The following FGD5 variants were observed in gnomAD, a reference collection of about 807,000 sequenced individuals.
The protein encoded by FGD5 is FYVE, RhoGEF and PH domain containing 5.
FGD5 carries 28 observed loss-of-function variants against 133.4 expected under a neutral mutation model. That is an observed-to-expected ratio of 0.21 (90% CI 0.16 to 0.29). FGD5 has a LOEUF of 0.29. Among genes scored for constraint, FGD5 ranks in the 10% least tolerant of loss-of-function variants. The pLI, the probability that FGD5 is intolerant of heterozygous loss-of-function variation, is 1.00. For missense variants in FGD5, 1,858 were observed against 1,895.2 expected, an observed-to-expected ratio of 0.98 and a Z score of 0.36; for synonymous variants, 810 against 776.5, an observed-to-expected ratio of 1.04 and a Z score of -0.72.
intron 1 of FGD5, among the ~76,000 whole-genome samples, chr3:14,830,986 A>C (rs777404571): frequency 1.3e-5 from 2 of 152,184 alleles, no homozygotes; most frequent in Non-Finnish European, 2.9e-5. Context: ...ATGTGATACA[A>C]AGTGACTGGT....
chr3:14,870,873 G>A (rs1298748267), intron 2 of FGD5, among the ~76,000 whole-genome samples: 2 of 152,222 alleles, frequency 1.3e-5, no homozygotes, highest in Non-Finnish European at 2.9e-5. Context: ...AGCACCAGAT[G>A]TGGAAGATCT....
At chr3:14,918,686 C>A in intron 12 of FGD5, 68 bp from the exon 13 acceptor site, 3 of 1,503,308 alleles carry the variant, frequency 2.0e-6, no homozygotes, top group Non-Finnish European at 1.8e-6. Flanking sequence ...CATCTGCTGC[C>A]AGGAGAAGCC....
Position 14,820,691 on chromosome 3 carries a change from G to A in FGD5, c.1620G>A (p.Lys540=). The A allele has an allele frequency of 6.3e-7, 1 of 1,592,696 alleles. No homozygotes were observed. Among genetic ancestry groups the A allele is most frequent in the Non-Finnish European group, 8.5e-7 (1 of 1,171,552 alleles). Residue 540 remains lysine (K), a synonymous_variant, in exon 1 of 20, where the codon AAG becomes AAA. Coordinates refer to ENST00000285046, the MANE Select transcript of FGD5 (RefSeq NM_152536.4). ...PLEASRALPA[K]PRAFTLYPRS... ...AAGCCAGCAGGGCCTTGCCAGCAAAGCCCAGGGCCTTTACTTTATACCCTC... is the reference window on the plus strand; with the variant it reads ...AAGCCAGCAGGGCCTTGCCAGCAAAACCCAGGGCCTTTACTTTATACCCTC...
chr3:14,844,217 A>AAAAAATAT (rs1559477363), intron 1 of FGD5, among the ~76,000 whole-genome samples: 4 of 20,382 alleles, frequency 2.0e-4, no homozygotes, highest in Non-Finnish European at 2.5e-4. Context: ...AAAAAAAAAA[A>AAAAAATAT]ATATATATAT....
rs567067944 is a variant in FGD5, at chr3:14,819,071, C to T, written c.-1C>T. On this transcript the variant is annotated 5_prime_UTR_variant, in exon 1 of 20. Transcript: ENST00000285046. The surrounding 1 kb of genome is among the most constrained non-coding windows in gnomAD (Gnocchi z 4.1). The stretch of plus-strand genomic sequence containing the variant: ...CCGAGAGTCTTCACAGTCCAAACTC[C>T]ATGTTCAGGGGTCCGAAGCCCCCCA... The T allele has an allele frequency of 7.1e-6, 11 of 1,546,432 alleles. No homozygotes were observed. The highest frequency in any genetic ancestry group is 1.4e-5 in the African/African-American group (1 of 72,872).
At chr3:14,893,393 C>G (rs1175441579) in intron 4 of FGD5, among the ~76,000 whole-genome samples, 1 of 152,148 alleles carries the variant, frequency 6.6e-6, no homozygotes, top group African/African-American at 2.4e-5. Flanking sequence ...ACTCTGTCAA[C>G]CAGGTTGGAG....
At chr3:14,874,890 C>T (rs1187214178) in intron 2 of FGD5, among the ~76,000 whole-genome samples, 1 of 152,204 alleles carries the variant, frequency 6.6e-6, no homozygotes, top group Non-Finnish European at 1.5e-5. Flanking sequence ...ACCAGCTGGT[C>T]CTGGGGAAGC....
upstream of FGD5, among the ~76,000 whole-genome samples, chr3:14,817,621 C>A (rs7643829): frequency 0.047 from 7,085 of 152,254 alleles, 550 homozygotes; most frequent in African/African-American, 0.16. Context: ...TCAGGGACAA[C>A]ACTGGGCCTA....
chr3:14,898,742 A>G lies in FGD5; in HGVS notation c.3070A>G (p.Ser1024Gly), dbSNP rs764168603. The part of the protein sequence containing the change: ...LAAAVREFEQ[S>G]VQGGSQTAKH... Reference sequence around the variant, plus strand: ...TCCTTCCCTGTCTTGAGAGCAGCAGAGTGTACAAGGAGGCAGCCAGACTGC... The same window carrying G: ...TCCTTCCCTGTCTTGAGAGCAGCAGGGTGTACAAGGAGGCAGCCAGACTGC... The change falls in exon 7 of 20, where the codon AGT (serine) becomes GGT (glycine). Residue 1024 changes from serine (S) to glycine (G), a missense_variant. Ser to Gly is a moderately conservative substitution (Grantham distance 56). Coordinates refer to ENST00000285046, the MANE Select transcript of FGD5 (RefSeq NM_152536.4). 2.5e-5 allele frequency: 40 copies of G among 1,581,020 alleles called. No homozygotes were observed. Among genetic ancestry groups the G allele is most frequent in the Non-Finnish European group, 3.4e-5 (40 of 1,163,852 alleles).
At chr3:14,901,813 T>C (rs2038245083) in intron 9 of FGD5, among the ~76,000 whole-genome samples, 1 of 152,228 alleles carries the variant, frequency 6.6e-6, no homozygotes, top group Non-Finnish European at 1.5e-5. Flanking sequence ...ATTGGACACC[T>C]GCTATGTGTC....
intron 10 of FGD5, 42 bp downstream of exon 10, chr3:14,907,753 C>CAAT (rs760333624): frequency 3.1e-6 from 5 of 1,596,718 alleles, no homozygotes; most frequent in Non-Finnish European, 4.3e-6. Flanking sequence ...GGTGGCTGGG[C>CAAT]GAGGCTCCGA....
At chr3:14,880,349 G>C (rs2037801414) in intron 2 of FGD5, among the ~76,000 whole-genome samples, 1 of 152,154 alleles carries the variant, frequency 6.6e-6, no homozygotes, top group South Asian at 2.1e-4. Flanking sequence ...GCATGACCTT[G>C]TCTCAAATAA....
chr3:14,840,680 A>G (rs386658763), intron 1 of FGD5, among the ~76,000 whole-genome samples: 3 of 152,204 alleles, frequency 2.0e-5, no homozygotes, highest in Admixed American at 6.5e-5. Context: ...AAATGGCTCA[A>G]TCAGTAGCTT....
chr3:14,900,477 G>C, intron 8 of FGD5, 24 bp downstream of exon 8: 1 of 1,611,742 alleles, frequency 6.2e-7, no homozygotes, highest in African/African-American at 1.3e-5. Flanking sequence ...GAATGCGGAG[G>C]GAGGTACTCA....
chr3:14,821,161 G>A lies in FGD5; in HGVS notation c.2090G>A (p.Arg697Gln), dbSNP rs758485762. Residue 697 changes from arginine to glutamine, a missense_variant, in exon 1 of 20, where the codon CGG becomes CAG. Physicochemically the swap from Arg to Gln is conservative, Grantham distance 43. Transcript: ENST00000285046. ...HGPSRILEVD[R>Q]RSLSNSPQLK... ...CCTTCCAGGATTCTGGAAGTTGACC[G>A]GAGAAGCCTCAGCAACTCCCCTCAG... is the stretch of plus-strand genomic sequence containing the variant. The A allele has an allele frequency of 1.7e-5, 28 of 1,613,762 alleles. No homozygotes were observed. Among genetic ancestry groups the A allele is most frequent in the Middle Eastern group, 1.6e-4 (1 of 6,084 alleles).
At chr3:14,910,329 T>C (rs1335498271) in intron 10 of FGD5, among the ~76,000 whole-genome samples, 1 of 152,194 alleles carries the variant, frequency 6.6e-6, no homozygotes, top group East Asian at 1.9e-4. Context: ...AAATCATACT[T>C]AATTTCCAAA....
At chr3:14,854,637 C>CA (rs1442689072) in intron 1 of FGD5, among the ~76,000 whole-genome samples, 1 of 152,020 alleles carries the variant, frequency 6.6e-6, no homozygotes, top group Non-Finnish European at 1.5e-5. Context: ...GGGCTGATCT[C>CA]AAAGACTCCT....
intron 1 of FGD5, among the ~76,000 whole-genome samples, chr3:14,842,096 G>A (rs2036934928): frequency 6.6e-6 from 1 of 152,242 alleles, no homozygotes; most frequent in Admixed American, 6.5e-5. Flanking sequence ...GAAATGCCAA[G>A]TTGTCCTCAA....
In FGD5 at chr3:14,934,502, A is replaced by G. The variant is rs978872022; in HGVS notation, c.*1335A>G. ...TACTTGCATTAAATATTTTCAGGGG[A>G]ATTTTTTTTTCCAGTTTGCAGTTCT... is the stretch of plus-strand genomic sequence containing the variant. On this transcript the variant is annotated 3_prime_UTR_variant, in exon 20 of 20. Coordinates refer to ENST00000285046, the MANE Select transcript of FGD5 (RefSeq NM_152536.4). 1.6e-4 allele frequency: 25 copies of G among 152,104 alleles called. No individual in the cohort carries two copies. The highest frequency in any genetic ancestry group is 8.8e-5 in the Non-Finnish European group (6 of 68,014). 9.4% of individuals were successfully genotyped at this position (152,104 alleles called of 1,614,324 possible). A position where few individuals can be genotyped will look rare whatever the true frequency, so the allele number is the denominator to read the frequency against.
Sources: allele counts gnomAD v4.1 joint callset (sites outside exome capture counted in the v4.1 genomes callset), GRCh38; gene constraint gnomAD v4.1.1; non-coding constraint Gnocchi (gnomAD v3.1); transcripts MANE v1.5; gene names NCBI Gene and HGNC (gene_info 2026-07-23, HGNC 2026-07-21).